Variants in KLRG1 observed in about 807,000 individuals in gnomAD.
The protein encoded by KLRG1 is killer cell lectin-like receptor subfamily G member 1.
A neutral mutation model predicts 21.8 loss-of-function variants in KLRG1; 16 were observed. That is an observed-to-expected ratio of 0.73 (90% CI 0.50 to 1.11). The LOEUF (loss-of-function observed/expected upper bound fraction) is 1.11. Among genes scored for constraint, KLRG1 ranks in the 50% most tolerant of loss-of-function variants. The pLI is 0.00. For synonymous variants in KLRG1, 69 were observed against 75.9 expected (o/e 0.91, Z 0.47); for missense variants, 173 against 218.3 (o/e 0.79, Z 1.31).
chr12:8,971,586 GTTCAA>G (rs1946569264), intron 1 of KLRG1, among the ~76,000 whole-genome samples: 1 of 145,916 alleles, frequency 6.9e-6, no homozygotes, highest in African/African-American at 2.5e-5. Flanking sequence ...CAACCCCCAG[GTTCAA>G]GCGATTCTCC....
At chr12:9,101,520 T>A in the KLRG1 span, 1 of 1,613,908 alleles carries the variant, frequency 6.2e-7, no homozygotes. Flanking sequence ...CTGGACTGTC[T>A]GAGTATGGCC....
the KLRG1 span, among the ~76,000 whole-genome samples, chr12:9,030,898 T>C: frequency 6.6e-6 from 1 of 152,168 alleles, no homozygotes; most frequent in East Asian, 1.9e-4. Context: ...GGGGATGTTC[T>C]ATGTAAAGGT....
the KLRG1 span, among the ~76,000 whole-genome samples, chr12:9,100,280 C>A: frequency 6.6e-6 from 1 of 152,036 alleles, no homozygotes; most frequent in South Asian, 2.1e-4. Flanking sequence ...TACAACATAC[C>A]TTGAAATCGT....
intron 1 of KLRG1, among the ~76,000 whole-genome samples, chr12:8,955,601 G>A (rs755829178): frequency 1.3e-5 from 2 of 151,066 alleles, no homozygotes; most frequent in East Asian, 2.0e-4. Flanking sequence ...TATTTTCCCC[G>A]AGCTGGTCTT....
the KLRG1 span, chr12:9,058,394 AT>A: frequency 6.6e-6 from 1 of 152,206 alleles, no homozygotes; most frequent in African/African-American, 2.4e-5. Flanking sequence ...GATGAAGCTT[AT>A]TTATGGAAAA....
chr12:9,096,057 C>A, the KLRG1 span, among the ~76,000 whole-genome samples: 1 of 152,130 alleles, frequency 6.6e-6, no homozygotes, highest in Non-Finnish European at 1.5e-5. Flanking sequence ...CCGCGCCCGG[C>A]CTTTGTGACA....
At chr12:9,069,014 G>A in the KLRG1 span, 1 of 512,386 alleles carries the variant, frequency 2.0e-6, no homozygotes, top group Non-Finnish European at 3.4e-6. Context: ...AAATTCTCCA[G>A]ATTATTTCTT....
rs112325636 is a variant in KLRG1 at position 8,962,324 on chromosome 12, A to G, written c.-156+12088A>G. Among the ~76,000 whole-genome samples, 752 of 152,348 alleles carry G rather than the reference A, an allele frequency of 4.9e-3. 11 individuals are homozygous for G. Among genetic ancestry groups the G allele is most frequent in the African/African-American group, 0.017 (690 of 41,574 alleles). On this transcript the variant is annotated intron_variant, in intron 1 of 4. Coordinates refer to the KLRG1 transcript ENST00000539240. ...TGAGAAGTGTAATATCTGAAATGATAAGATGAATATATGATGGATGGGATC... is the reference window on the plus strand; with the variant it reads ...TGAGAAGTGTAATATCTGAAATGATGAGATGAATATATGATGGATGGGATC...
chr12:9,096,945 C>T, the KLRG1 span, among the ~76,000 whole-genome samples: 3 of 152,066 alleles, frequency 2.0e-5, no homozygotes, highest in Non-Finnish European at 4.4e-5. Context: ...AATGAATGAC[C>T]TACACTAGTA....
At chr12:9,202,102 G>C in the KLRG1 span, among the ~76,000 whole-genome samples, 1 of 152,024 alleles carries the variant, frequency 6.6e-6, no homozygotes, top group African/African-American at 2.4e-5. Flanking sequence ...TGCAGCTATT[G>C]CCAGACTGAT....
chr12:8,952,435 G>T (rs1269216365), intron 1 of KLRG1, among the ~76,000 whole-genome samples: 1 of 152,134 alleles, frequency 6.6e-6, no homozygotes, highest in Non-Finnish European at 1.5e-5. Flanking sequence ...CAAATAATCT[G>T]CCTGCCTCAG....
chr12:9,035,414 A>C, the KLRG1 span, among the ~76,000 whole-genome samples: 2 of 151,912 alleles, frequency 1.3e-5, no homozygotes, highest in African/African-American at 4.8e-5. Flanking sequence ...ACATGGACAC[A>C]GGGAGGGGAA....
At chr12:8,992,613 C>T (rs1947006853) in intron 2 of KLRG1, among the ~76,000 whole-genome samples, 1 of 152,198 alleles carries the variant, frequency 6.6e-6, no homozygotes, top group Non-Finnish European at 1.5e-5. Context: ...CAGCCTTGAC[C>T]TCCTTAGGCT....
chr12:9,040,901 A>G, the KLRG1 span, among the ~76,000 whole-genome samples: 188 of 152,380 alleles, frequency 1.2e-3, no homozygotes, highest in Non-Finnish European at 1.9e-3. Flanking sequence ...CAATGGGAAG[A>G]CAACTAAGTT....
the KLRG1 span, among the ~76,000 whole-genome samples, chr12:9,119,672 C>T: frequency 1.4e-4 from 22 of 152,022 alleles, no homozygotes; most frequent in Non-Finnish European, 2.5e-4. Context: ...GTGGGAGGTA[C>T]AAATGACAGG....
At chr12:9,068,934 G>A in the KLRG1 span, 1 of 865,148 alleles carries the variant, frequency 1.2e-6, no homozygotes, top group Non-Finnish European at 1.8e-6. Context: ...TGGGGGAAAA[G>A]CTTTATTATC....
the KLRG1 span, among the ~76,000 whole-genome samples, chr12:9,170,376 A>G: frequency 9.2e-5 from 14 of 152,196 alleles, no homozygotes; most frequent in Non-Finnish European, 5.9e-5. The surrounding 1 kb of genome is among the most constrained non-coding windows in gnomAD (Gnocchi z 4.6). Flanking sequence ...CTGCTCAGGC[A>G]CACAGAAACC....
At chr12:9,124,083 A>C in the KLRG1 span, among the ~76,000 whole-genome samples, 1 of 152,178 alleles carries the variant, frequency 6.6e-6, no homozygotes, top group South Asian at 2.1e-4. Flanking sequence ...TAAAATATAA[A>C]AGCTGTTCTT....
chr12:9,153,188 T>C, the KLRG1 span: 1 of 1,606,560 alleles, frequency 6.2e-7, no homozygotes, highest in Non-Finnish European at 8.5e-7. Flanking sequence ...GCTCTGGCAA[T>C]GAGATCTGCT....
Sources: allele counts gnomAD v4.1 joint callset (sites outside exome capture counted in the v4.1 genomes callset), GRCh38; gene constraint gnomAD v4.1.1; non-coding constraint Gnocchi (gnomAD v3.1); transcripts MANE v1.5; gene names NCBI Gene and HGNC (gene_info 2026-07-23, HGNC 2026-07-21).